ZNRF1: variants seen among roughly 807,000 people sequenced by gnomAD.
ZNRF1 encodes zinc and ring finger 1.
ZNRF1 carries 3 observed loss-of-function variants against 18.4 expected under a neutral mutation model. That is an observed-to-expected ratio of 0.16 (90% CI 0.07 to 0.42). ZNRF1 has a LOEUF of 0.42. Ranked by LOEUF, ZNRF1 falls within the 10% of genes least tolerant of loss-of-function variation. The pLI is 0.99. For missense variants in ZNRF1, 310 were observed against 329.8 expected (o/e 0.94, Z 0.47); for synonymous variants, 157 against 144.2 (o/e 1.09, Z -0.64).
At chr16:75,043,759 C>T (rs2035478786) in intron 1 of ZNRF1, among the ~76,000 whole-genome samples, 1 of 148,960 alleles carries the variant, frequency 6.7e-6, no homozygotes, top group African/African-American at 2.5e-5. Context: ...AAACCTGTTG[C>T]ATATCAGGAG....
intron 1 of ZNRF1, among the ~76,000 whole-genome samples, chr16:75,070,727 G>A (rs183399007): frequency 1.1e-4 from 17 of 152,148 alleles, no homozygotes; most frequent in African/African-American, 3.9e-4. Context: ...ACTTGTAACA[G>A]CGTGGACTTG....
chr16:75,083,055 A>G (rs1477427032), intron 1 of ZNRF1, among the ~76,000 whole-genome samples: 1 of 152,228 alleles, frequency 6.6e-6, no homozygotes, highest in Non-Finnish European at 1.5e-5. Context: ...AATTGTTGGC[A>G]GCTTTTCTTC....
intron 1 of ZNRF1, among the ~76,000 whole-genome samples, chr16:75,065,274 C>T (rs368670747): frequency 6.6e-6 from 1 of 152,226 alleles, no homozygotes; most frequent in African/African-American, 2.4e-5. Flanking sequence ...GGCTGAGGCT[C>T]CTGCACTGGG....
At chr16:75,061,866 G>T (rs897203183) in intron 1 of ZNRF1, among the ~76,000 whole-genome samples, 3 of 152,192 alleles carry the variant, frequency 2.0e-5, no homozygotes, top group Admixed American at 1.3e-4. Flanking sequence ...GTCAGCTTCT[G>T]ACCTGGCTGA....
At chr16:75,040,744 T>A (rs1424939434) in intron 1 of ZNRF1, among the ~76,000 whole-genome samples, 3 of 151,418 alleles carry the variant, frequency 2.0e-5, no homozygotes, top group Non-Finnish European at 4.4e-5. Context: ...GTAGCTGGGA[T>A]TATGGGTGCG....
At chr16:75,046,587 T>C (rs907540033) in intron 1 of ZNRF1, among the ~76,000 whole-genome samples, 2 of 152,072 alleles carry the variant, frequency 1.3e-5, no homozygotes, top group African/African-American at 4.8e-5. Flanking sequence ...TATTTTTTTA[T>C]TTTTTTGAGA....
chr16:75,091,224 T>C (rs2036134873), intron 1 of ZNRF1, among the ~76,000 whole-genome samples: 1 of 151,904 alleles, frequency 6.6e-6, no homozygotes, highest in Admixed American at 6.6e-5. Context: ...CCAGGCATGG[T>C]GGCGCTCACC....
intron 1 of ZNRF1, among the ~76,000 whole-genome samples, chr16:75,009,770 C>T (rs2034970111): frequency 6.6e-6 from 1 of 151,486 alleles, no homozygotes; most frequent in South Asian, 2.1e-4. Flanking sequence ...CACAGGCTTC[C>T]AGTTTCTCCA....
chr16:75,072,107 T>A (rs1222177735), intron 1 of ZNRF1, among the ~76,000 whole-genome samples: 1 of 147,192 alleles, frequency 6.8e-6, no homozygotes, highest in East Asian at 2.0e-4. Flanking sequence ...GCCCAGTTAA[T>A]TTTTTTTTTT....
At chr16:75,074,020 G>A (rs1567487252) in intron 1 of ZNRF1, among the ~76,000 whole-genome samples, 1 of 152,000 alleles carries the variant, frequency 6.6e-6, no homozygotes, top group Non-Finnish European at 1.5e-5. Flanking sequence ...GCTACCACCC[G>A]GAGAGCAGAG....
At chr16:75,091,282 C>A (rs781186997) in intron 1 of ZNRF1, among the ~76,000 whole-genome samples, 5 of 151,562 alleles carry the variant, frequency 3.3e-5, no homozygotes, top group Non-Finnish European at 7.4e-5. Context: ...TCTCTTGAAC[C>A]CGGGAGGCAG....
chr16:75,078,236 T>C (rs953218977), intron 1 of ZNRF1, among the ~76,000 whole-genome samples: 8 of 151,988 alleles, frequency 5.3e-5, no homozygotes, highest in African/African-American at 1.9e-4. Context: ...CAGATCTCTG[T>C]TTTTCCATTA....
In ZNRF1 at chr16:75,108,799, A is replaced by G. The variant is rs73615834; in HGVS notation, c.*1099A>G. 5.0e-3 allele frequency: 1,840 copies of G among 367,578 alleles called. 36 individuals carry two copies. Among genetic ancestry groups the G allele is most frequent in the African/African-American group, 0.035 (1,668 of 48,090 alleles). The allele number at this position is 367,578 out of a possible 1,614,324, so 22.8% of individuals were successfully genotyped here. On this transcript the variant is annotated 3_prime_UTR_variant, in exon 5 of 5. Transcript: ENST00000335325. ...CCCCCACTCCCTCACCTACCTCCTT[A>G]GCATTCCTTCAGGCTGCTACTCGGG...
chr16:75,074,206 A>G (rs187510413), intron 1 of ZNRF1, among the ~76,000 whole-genome samples: 1 of 152,282 alleles, frequency 6.6e-6, no homozygotes, highest in African/African-American at 2.4e-5. Flanking sequence ...GTATGGAGGC[A>G]GTGTGGTGCC....
At chr16:75,033,848 G>C (rs1207201531) in intron 1 of ZNRF1, among the ~76,000 whole-genome samples, 1 of 152,094 alleles carries the variant, frequency 6.6e-6, no homozygotes, top group Non-Finnish European at 1.5e-5. Context: ...AATACACTTA[G>C]CATAAAAATT....
chr16:75,046,606 C>T (rs757573224), intron 1 of ZNRF1, among the ~76,000 whole-genome samples: 11 of 151,462 alleles, frequency 7.3e-5, no homozygotes, highest in East Asian at 2.0e-4. Flanking sequence ...GACTGAGTCT[C>T]GCTCTGTCGC....
In ZNRF1 at chr16:75,051,271, A is replaced by G. The variant is rs981391760; in HGVS notation, c.425-42301A>G. Reference sequence around the variant, plus strand: ...CGCCTAGTCTGGAGTGCAGTGGCACAATCTCAGCTCACTGCAGCCTCTGCC... The same window carrying G: ...CGCCTAGTCTGGAGTGCAGTGGCACGATCTCAGCTCACTGCAGCCTCTGCC... On this transcript the variant is annotated intron_variant, in intron 1 of 4. Transcript: ENST00000335325. Among the ~76,000 whole-genome samples, 172 of 152,094 alleles carry G rather than the reference A, an allele frequency of 1.1e-3. 2 individuals are homozygous for G. The highest frequency in any genetic ancestry group is 3.8e-3 in the African/African-American group (157 of 41,502).
At chr16:75,053,431 A>G (rs2035630165) in intron 1 of ZNRF1, among the ~76,000 whole-genome samples, 1 of 152,016 alleles carries the variant, frequency 6.6e-6, no homozygotes, top group Admixed American at 6.5e-5. Context: ...TCTACTAAAA[A>G]TACAAAAATT....
At chr16:75,074,684 C>T (rs192318165) in intron 1 of ZNRF1, among the ~76,000 whole-genome samples, 5 of 152,226 alleles carry the variant, frequency 3.3e-5, no homozygotes, top group Admixed American at 3.3e-4. Context: ...ATAGGACTGA[C>T]CCTGATTTGA....
Sources: gnomAD v4.1 joint callset for allele counts (sites outside exome capture counted in the v4.1 genomes callset) on GRCh38, gnomAD v4.1.1 for gene constraint, MANE v1.5 for transcripts, NCBI Gene and HGNC (gene_info 2026-07-23, HGNC 2026-07-21) for gene names.